Variants in XKR4 observed in about 807,000 individuals in gnomAD.
XKR4 encodes the protein XK related 4, also known as XK-related protein 4.
XKR4 carries 12 observed loss-of-function variants against 53.9 expected under a neutral mutation model. The observed-to-expected ratio is 0.22, with a 90% CI of 0.14 to 0.36. The LOEUF is 0.36. Among genes scored for constraint, XKR4 ranks in the 10% least tolerant of loss-of-function variants. XKR4 has a pLI of 1.00. For missense variants in XKR4, 799 were observed against 859.5 expected (o/e 0.93, Z 0.88); for synonymous variants, 354 against 362.4 (o/e 0.98, Z 0.26).
intron 2 of XKR4, among the ~76,000 whole-genome samples, chr8:55,406,783 T>G (rs530177311): frequency 6.6e-6 from 1 of 152,338 alleles, no homozygotes; most frequent in South Asian, 2.1e-4. Flanking sequence ...TGTTATCTGA[T>G]GCATATGAAT....
intron 1 of XKR4, among the ~76,000 whole-genome samples, chr8:55,276,930 C>T (rs1818773166): frequency 6.6e-6 from 1 of 152,138 alleles, no homozygotes; most frequent in Admixed American, 6.5e-5. Flanking sequence ...TAAAGCCATG[C>T]AAACTGTGGT....
At chr8:55,326,376 T>C (rs1803292847) in intron 1 of XKR4, among the ~76,000 whole-genome samples, 1 of 152,046 alleles carries the variant, frequency 6.6e-6, no homozygotes, top group South Asian at 2.1e-4. Flanking sequence ...AGTTTCAAAG[T>C]GCTTATGTGA....
chr8:55,143,496 T>C (rs775919145), intron 1 of XKR4, among the ~76,000 whole-genome samples: 13 of 152,208 alleles, frequency 8.5e-5, no homozygotes, highest in African/African-American at 1.2e-4. Flanking sequence ...TCTGATAAAA[T>C]TTTGATTTTC....
chr8:55,375,030 G>A (rs1393993989), intron 2 of XKR4, among the ~76,000 whole-genome samples: 1 of 152,160 alleles, frequency 6.6e-6, no homozygotes, highest in African/African-American at 2.4e-5. Flanking sequence ...AACCAGCAAT[G>A]GGTGGAGCTG....
chr8:55,318,413 A>G (rs1225755323), intron 1 of XKR4, among the ~76,000 whole-genome samples: 4 of 152,218 alleles, frequency 2.6e-5, no homozygotes, highest in Admixed American at 2.6e-4. Flanking sequence ...AACTAGAAGA[A>G]GTACAGGAGG....
chr8:55,306,264 G>A (rs534259692), intron 1 of XKR4, among the ~76,000 whole-genome samples: 2 of 152,126 alleles, frequency 1.3e-5, no homozygotes, highest in African/African-American at 2.4e-5. Flanking sequence ...ATTGTACTTT[G>A]CTATTTAGCA....
chr8:55,160,173 C>T (rs867751197), intron 1 of XKR4, among the ~76,000 whole-genome samples: 3 of 152,092 alleles, frequency 2.0e-5, no homozygotes, highest in Non-Finnish European at 2.9e-5. Flanking sequence ...AGACCATTGG[C>T]GTGGTTGTAT....
At chr8:55,182,744 T>C (rs1021947084) in intron 1 of XKR4, among the ~76,000 whole-genome samples, 3 of 152,212 alleles carry the variant, frequency 2.0e-5, no homozygotes, top group African/African-American at 7.2e-5. Flanking sequence ...CTTTCAACTT[T>C]GTTATTTTGA....
At chr8:55,421,270 AT>A (rs11310134) in intron 2 of XKR4, among the ~76,000 whole-genome samples, 16,096 of 152,206 alleles carry the variant, frequency 0.11, 2,144 homozygotes, top group African/African-American at 0.31. Flanking sequence ...GATTAAGCAA[AT>A]TTCCCAGGGT....
Position 55,362,888 on chromosome 8 carries a change from A to G in XKR4, c.1006+5011A>G, listed in dbSNP as rs532657544. ...GGTGTGCTCCCCAGAGCAGCCCAGA[A>G]CACCATGTAGAATCACGGCACATAG... is the stretch of plus-strand genomic sequence containing the variant. On this transcript the variant is annotated intron_variant, in intron 2 of 2. Coordinates refer to ENST00000327381, the MANE Select transcript of XKR4 (RefSeq NM_052898.2). 9.7e-4 allele frequency among the ~76,000 whole-genome samples: 147 copies of G among 152,194 alleles called. 1 individual carries two copies. The highest frequency in any genetic ancestry group is 1.6e-3 in the Non-Finnish European group (110 of 68,038).
chr8:55,398,146 C>A (rs1376590348), intron 2 of XKR4, among the ~76,000 whole-genome samples: 1 of 152,186 alleles, frequency 6.6e-6, no homozygotes, highest in East Asian at 1.9e-4. Flanking sequence ...AGGGATAAAA[C>A]TTTCCTCTCC....
intron 1 of XKR4, among the ~76,000 whole-genome samples, chr8:55,196,889 T>C (rs1393593133): frequency 6.6e-6 from 1 of 152,154 alleles, no homozygotes; most frequent in East Asian, 1.9e-4. Flanking sequence ...CAGTGAATGT[T>C]ATGTGATTGG....
chr8:55,227,091 A>G (rs1351345727), intron 1 of XKR4, among the ~76,000 whole-genome samples: 1 of 151,810 alleles, frequency 6.6e-6, no homozygotes, highest in African/African-American at 2.4e-5. Context: ...GGCAACCCCC[A>G]CCTTCTGCCA....
At chr8:55,441,514 T>C (rs961244316) in intron 2 of XKR4, among the ~76,000 whole-genome samples, 11 of 152,122 alleles carry the variant, frequency 7.2e-5, no homozygotes, top group African/African-American at 2.7e-4. Flanking sequence ...GATCTAACAA[T>C]GGACATATGG....
chr8:55,414,992 T>C lies in XKR4; in HGVS notation c.1006+57115T>C, dbSNP rs563114940. On this transcript the variant is annotated intron_variant, in intron 2 of 2. Coordinates refer to ENST00000327381, the MANE Select transcript of XKR4 (RefSeq NM_052898.2). ...GAAAGTAATGTGGTATTGGAGTGCCTCCAGGACAGAGACCTAGGTGTGCAG... is the reference window on the plus strand; with the variant it reads ...GAAAGTAATGTGGTATTGGAGTGCCCCCAGGACAGAGACCTAGGTGTGCAG... Among the ~76,000 whole-genome samples, 128 of 152,346 alleles carry C rather than the reference T, an allele frequency of 8.4e-4. 2 individuals carry two copies. The highest frequency in any genetic ancestry group is 4.1e-3 in the South Asian group (20 of 4,826).
At chr8:55,421,361 G>C (rs1804928713) in intron 2 of XKR4, among the ~76,000 whole-genome samples, 1 of 152,178 alleles carries the variant, frequency 6.6e-6, no homozygotes, top group Admixed American at 6.5e-5. Context: ...TTCCCACCTT[G>C]CCATACGGTT....
rs186231609 is a variant in XKR4, at chr8:55,535,428, C to T, written c.*11201C>T. On this transcript the variant is annotated 3_prime_UTR_variant, in exon 3 of 3. Coordinates refer to ENST00000327381, the MANE Select transcript of XKR4 (RefSeq NM_052898.2). ...TGTGTGATGTTCCCCTTCCTGTGCA[C>T]GTGACTTATTTTCAATTGCCCAGCA... 60 of 140,192 alleles carry T rather than the reference C, an allele frequency of 4.3e-4. 1 individual carries two copies. The highest frequency in any genetic ancestry group is 1.6e-3 in the African/African-American group (59 of 37,824). The allele number at this position is 140,192 out of a possible 1,614,324, so 8.7% of individuals were successfully genotyped here.
rs1026297073 is a variant in XKR4 at position 55,466,079 on chromosome 8, C to T, written c.1007-57202C>T. Among the ~76,000 whole-genome samples the T allele has an allele frequency of 5.5e-4, 84 of 151,966 alleles. 1 individual carries two copies. Among genetic ancestry groups the T allele is most frequent in the African/African-American group, 1.8e-3 (76 of 41,412 alleles). On this transcript the variant is annotated intron_variant, in intron 2 of 2. Coordinates refer to ENST00000327381, the MANE Select transcript of XKR4 (RefSeq NM_052898.2). Reference sequence around the variant, plus strand: ...TCAACCATTGTGGAAGTCAGTGTGGCGATTCCTCAGGGATCTAGAACTAGA... The same window carrying T: ...TCAACCATTGTGGAAGTCAGTGTGGTGATTCCTCAGGGATCTAGAACTAGA...
intron 1 of XKR4, among the ~76,000 whole-genome samples, chr8:55,339,290 T>C (rs1803508134): frequency 6.6e-6 from 1 of 152,172 alleles, no homozygotes; most frequent in South Asian, 2.1e-4. Flanking sequence ...TTACACGTGA[T>C]CTAACCCCCC....
Sources: gnomAD v4.1 joint callset for allele counts (sites outside exome capture counted in the v4.1 genomes callset) on GRCh38, gnomAD v4.1.1 for gene constraint, MANE v1.5 for transcripts, NCBI Gene and HGNC (gene_info 2026-07-23, HGNC 2026-07-21) for gene names.